TRPM3: variants seen among roughly 807,000 people sequenced by gnomAD.
TRPM3 encodes transient receptor potential cation channel subfamily M member 3.
A neutral mutation model predicts 181.2 loss-of-function variants in TRPM3; 77 were observed. The observed-to-expected ratio is 0.42, with a 90% CI of 0.35 to 0.51. The LOEUF (loss-of-function observed/expected upper bound fraction) is 0.51, where lower values mean the gene tolerates loss of function less well. Among genes scored for constraint, TRPM3 ranks in the 20% least tolerant of loss-of-function variants. TRPM3 has a pLI of 0.01. For synonymous variants in TRPM3, 745 were observed against 796.4 expected (o/e 0.94, Z 1.09); for missense variants, 1,759 against 2,196.7 (o/e 0.80, Z 3.98).
At chr9:70,835,801 T>C (rs2094281041) in intron 5 of TRPM3, among the ~76,000 whole-genome samples, 1 of 152,134 alleles carries the variant, frequency 6.6e-6, no homozygotes, top group South Asian at 2.1e-4. Flanking sequence ...AGAGCTGTTA[T>C]TAATATAGAG....
intron 11 of TRPM3, among the ~76,000 whole-genome samples, chr9:70,637,314 A>T (rs1261118709): frequency 2.0e-5 from 3 of 152,182 alleles, no homozygotes; most frequent in Non-Finnish European, 4.4e-5. Flanking sequence ...ATGGTGCTTA[A>T]TGCCAATTAG....
chr9:71,008,633 A>T (rs2097704301), intron 1 of TRPM3, among the ~76,000 whole-genome samples: 1 of 152,210 alleles, frequency 6.6e-6, no homozygotes, highest in Non-Finnish European at 1.5e-5. Context: ...ACTTGAGCTC[A>T]GGAGTTCAAG....
At chr9:70,700,887 G>T (rs998973935) in intron 8 of TRPM3, among the ~76,000 whole-genome samples, 5 of 152,186 alleles carry the variant, frequency 3.3e-5, no homozygotes, top group Non-Finnish European at 5.9e-5. Flanking sequence ...GTCCCAGAAA[G>T]CAACTCTGGT....
intron 3 of TRPM3, among the ~76,000 whole-genome samples, chr9:70,851,848 T>C (rs1450198043): frequency 6.6e-6 from 1 of 152,012 alleles, no homozygotes; most frequent in Non-Finnish European, 1.5e-5. Flanking sequence ...CCAGGCGCAG[T>C]GACTCACACC....
chr9:70,941,452 G>A (rs2096884951), intron 1 of TRPM3, among the ~76,000 whole-genome samples: 1 of 152,152 alleles, frequency 6.6e-6, no homozygotes, highest in South Asian at 2.1e-4. Flanking sequence ...TGAGGTTTGG[G>A]GACTCAGACT....
chr9:71,263,433 C>T (rs2132085057), intron 1 of TRPM3, among the ~76,000 whole-genome samples: 1 of 152,326 alleles, frequency 6.6e-6, no homozygotes, highest in Non-Finnish European at 1.5e-5. Flanking sequence ...AAAGGTGAGT[C>T]TCATGAAGAC....
intron 1 of TRPM3, among the ~76,000 whole-genome samples, chr9:71,280,728 G>C (rs774422586): frequency 6.6e-6 from 1 of 151,994 alleles, no homozygotes; most frequent in African/African-American, 2.4e-5. Flanking sequence ...CTTAGCTAAG[G>C]GTCTTTGCAC....
intron 1 of TRPM3, among the ~76,000 whole-genome samples, chr9:71,009,742 T>G (rs1226888106): frequency 6.6e-6 from 1 of 152,110 alleles, no homozygotes; most frequent in Admixed American, 6.6e-5. Flanking sequence ...TAAATTCATA[T>G]GGAAATATAA....
In TRPM3 at chr9:71,155,325, T is replaced by G. The variant is rs553830416; in HGVS notation, c.184-290814A>C. Among the ~76,000 whole-genome samples the G allele has an allele frequency of 3.9e-5, 6 of 152,116 alleles. No individual in the cohort carries two copies. The East Asian group carries it at 9.7e-4, about 24-fold the overall frequency. Reference sequence around the variant, plus strand: ...ATATGCCAAAGTTCCTATCTTTTTTTTCTTTTTTTGAGACAGAGTTTCACT... The same window carrying G: ...ATATGCCAAAGTTCCTATCTTTTTTGTCTTTTTTTGAGACAGAGTTTCACT... On this transcript the variant is annotated intron_variant, in intron 1 of 24. Transcript: ENST00000357533.
chr9:70,936,837 T>C (rs569066105), intron 1 of TRPM3, among the ~76,000 whole-genome samples: 3 of 152,324 alleles, frequency 2.0e-5, no homozygotes, highest in South Asian at 2.1e-4. Flanking sequence ...GGCTTGGGCA[T>C]TGAAGAAGAA....
chr9:71,206,286 T>A (rs10868980), intron 1 of TRPM3, among the ~76,000 whole-genome samples: 1 of 151,884 alleles, frequency 6.6e-6, no homozygotes, highest in Non-Finnish European at 1.5e-5. Context: ...GAGATCGCCG[T>A]TCTAACTGGT....
chr9:71,125,356 C>G (rs2073965012), upstream of TRPM3, among the ~76,000 whole-genome samples: 1 of 152,148 alleles, frequency 6.6e-6, no homozygotes, highest in African/African-American at 2.4e-5. Context: ...ATGCTCTCCT[C>G]CTGCAACAGG....
At chr9:71,351,205 A>G (rs1468670689) in intron 1 of TRPM3, among the ~76,000 whole-genome samples, 1 of 152,220 alleles carries the variant, frequency 6.6e-6, no homozygotes, top group East Asian at 1.9e-4. Context: ...GCTATAAAGT[A>G]TTGGGTTATG....
At chr9:70,573,020 T>C (rs2052883736) in intron 22 of TRPM3, among the ~76,000 whole-genome samples, 1 of 152,220 alleles carries the variant, frequency 6.6e-6, no homozygotes, top group African/African-American at 2.4e-5. Context: ...TCTGTACATG[T>C]AGTCATAGAA....
intron 1 of TRPM3, among the ~76,000 whole-genome samples, chr9:71,429,130 C>G (rs1241436503): frequency 6.6e-6 from 1 of 152,120 alleles, no homozygotes; most frequent in African/African-American, 2.4e-5. Context: ...TCACTGTTCT[C>G]CTTAACTCAT....
intron 12 of TRPM3, among the ~76,000 whole-genome samples, chr9:70,634,806 A>G (rs550548390): frequency 3.9e-5 from 6 of 152,180 alleles, no homozygotes; most frequent in Non-Finnish European, 8.8e-5. Flanking sequence ...ACTACACTCT[A>G]TGTAATGCTA....
At chr9:71,446,641 C>G in intron 1 of TRPM3, 2 of 1,549,186 alleles carry the variant, frequency 1.3e-6, no homozygotes, top group Non-Finnish European at 1.7e-6. Flanking sequence ...GGGCTCTCCC[C>G]CGGCCACTCA....
rs564814688 is a variant in TRPM3, at chr9:71,234,267, C to A, written c.183+212386G>T. ...ATCCATTGAGTGTTACATATCTTAGCCTTGGAAGTCACTACCATTTTCTTT... is the reference window on the plus strand; with the variant it reads ...ATCCATTGAGTGTTACATATCTTAGACTTGGAAGTCACTACCATTTTCTTT... On this transcript the variant is annotated intron_variant, in intron 1 of 24. Coordinates refer to the TRPM3 transcript ENST00000357533. Among the ~76,000 whole-genome samples, 6 of 152,238 alleles carry A rather than the reference C, an allele frequency of 3.9e-5. No individual in the cohort carries two copies. In the East Asian group the frequency reaches 1.2e-3, roughly 29 times the overall value.
chr9:71,057,805 G>A (rs1030134722), intron 1 of TRPM3, among the ~76,000 whole-genome samples: 3 of 151,942 alleles, frequency 2.0e-5, no homozygotes, highest in Non-Finnish European at 4.4e-5. Context: ...AATATTGTCT[G>A]TACTGTTACT....
Sources: allele counts gnomAD v4.1 joint callset (sites outside exome capture counted in the v4.1 genomes callset), GRCh38; gene constraint gnomAD v4.1.1; transcripts MANE v1.5; gene names NCBI Gene and HGNC (gene_info 2026-07-23, HGNC 2026-07-21).